The following CFAP299 variants were observed in gnomAD, a reference collection of about 807,000 sequenced individuals.
CFAP299 encodes cilia- and flagella-associated protein 299.
A neutral mutation model predicts 27.0 loss-of-function variants in CFAP299; 21 were observed. The ratio of observed to expected loss-of-function variants is 0.78; its 90% confidence interval spans 0.55 to 1.12. The LOEUF (loss-of-function observed/expected upper bound fraction) is 1.12, where lower values mean the gene tolerates loss of function less well. CFAP299 is among the 50% of genes most tolerant of loss of function. The pLI, the probability that CFAP299 is intolerant of heterozygous loss-of-function variation, is 0.00. For missense variants in CFAP299, 310 were observed against 276.6 expected (o/e 1.12, Z -0.86); for synonymous variants, 104 against 98.1 (o/e 1.06, Z -0.36).
upstream of CFAP299, chr4:80,335,618 A>T (rs1191314611): frequency 3.0e-6 from 2 of 658,914 alleles, no homozygotes; most frequent in Non-Finnish European, 2.8e-6. Context: ...GTGAGGCAGA[A>T]GACAGAAACT....
intron 3 of CFAP299, among the ~76,000 whole-genome samples, chr4:80,658,290 G>C (rs1215766954): frequency 1.3e-5 from 2 of 152,108 alleles, no homozygotes; most frequent in Non-Finnish European, 2.9e-5. Context: ...TGGTGAGAGA[G>C]GACATCCTTG....
intron 4 of CFAP299, among the ~76,000 whole-genome samples, chr4:80,894,382 G>A (rs1337575141): frequency 6.6e-6 from 1 of 151,904 alleles, no homozygotes; most frequent in Non-Finnish European, 1.5e-5. Flanking sequence ...TACAATTAAG[G>A]ATCCTAACCA....
chr4:80,689,439 A>G lies in CFAP299; in HGVS notation c.333+106256A>G, dbSNP rs941550407. 2.6e-4 allele frequency among the ~76,000 whole-genome samples: 39 copies of G among 152,332 alleles called. 1 individual carries two copies. The highest frequency in any genetic ancestry group is 8.9e-4 in the African/African-American group (37 of 41,582). On this transcript the variant is annotated intron_variant, in intron 3 of 5. Transcript: ENST00000358105. ...AACACAGAATTTCATATCCAGCCAA[A>G]CTAAGCTTCAAAAGTGAAGGAGAAA...
chr4:80,937,175 CTTG>C (rs1182049487), intron 4 of CFAP299, among the ~76,000 whole-genome samples: 11 of 151,488 alleles, frequency 7.3e-5, no homozygotes, highest in Non-Finnish European at 2.9e-5. Flanking sequence ...ATGAATTAAT[CTTG>C]TTATCATTAT....
chr4:80,887,307 A>T (rs1243136552), intron 4 of CFAP299, among the ~76,000 whole-genome samples: 1 of 152,186 alleles, frequency 6.6e-6, no homozygotes, highest in Admixed American at 6.5e-5. Flanking sequence ...AAGGTCAAGG[A>T]TGAAGAAAGA....
intron 2 of CFAP299, chr4:80,386,438 A>G: frequency 6.5e-7 from 1 of 1,543,884 alleles, no homozygotes; most frequent in South Asian, 1.2e-5. Flanking sequence ...CCAGCGGGTC[A>G]GGCAAGGGGG....
intron 2 of CFAP299, among the ~76,000 whole-genome samples, chr4:80,516,060 G>T (rs1262502464): frequency 7.5e-6 from 1 of 133,274 alleles, no homozygotes; most frequent in East Asian, 2.2e-4. Flanking sequence ...TACTCTTGTC[G>T]CCCAGGATGG....
chr4:80,648,830 G>A (rs886734134), intron 3 of CFAP299: 7 of 151,950 alleles, frequency 4.6e-5, no homozygotes, highest in Non-Finnish European at 7.4e-5. Flanking sequence ...TTAATATATC[G>A]GGGATCTATA....
chr4:80,806,020 GC>G (rs1409549707), intron 3 of CFAP299, among the ~76,000 whole-genome samples: 2 of 152,124 alleles, frequency 1.3e-5, no homozygotes, highest in East Asian at 3.9e-4. Context: ...TAATGACTTA[GC>G]TATAAGAAAG....
At chr4:80,521,022 T>C (rs991843620) in intron 2 of CFAP299, among the ~76,000 whole-genome samples, 1 of 152,068 alleles carries the variant, frequency 6.6e-6, no homozygotes, top group African/African-American at 2.4e-5. Context: ...ATTATGTAAG[T>C]AGAGAAAAGA....
chr4:80,757,580 A>G (rs1300282047), intron 3 of CFAP299, among the ~76,000 whole-genome samples: 1 of 152,208 alleles, frequency 6.6e-6, no homozygotes, highest in Non-Finnish European at 1.5e-5. Flanking sequence ...ATAGTTTCTT[A>G]CCAGAGCTAT....
chr4:80,854,777 T>C (rs1289670518), intron 3 of CFAP299, among the ~76,000 whole-genome samples: 1 of 144,474 alleles, frequency 6.9e-6, no homozygotes, highest in African/African-American at 2.6e-5. Flanking sequence ...GTCATCATAG[T>C]TTCTTTTTCT....
In CFAP299 at chr4:80,916,272, TATATATATATATATATATATATA is replaced by T. The variant is rs1176438506; in HGVS notation, c.477-28537_477-28515del. ...ACTGAAATATATATATATATATATA[TATATATATATATATATATATATA>T]TTTCAGGTACAGATCATCTGTTCCT... On this transcript the variant is annotated intron_variant, in intron 4 of 5. Transcript: ENST00000358105. Among the ~76,000 whole-genome samples, 204 of 103,848 alleles carry T rather than the reference TATATATATATATATATATATATA, an allele frequency of 2.0e-3. 3 individuals carry two copies. Among genetic ancestry groups the T allele is most frequent in the African/African-American group, 0.012 (199 of 16,822 alleles). 68.1% of individuals were successfully genotyped at this position (103,848 alleles called of 152,430 possible). A position where few individuals can be genotyped will look rare whatever the true frequency, so the allele number is the denominator to read the frequency against.
intron 4 of CFAP299, among the ~76,000 whole-genome samples, chr4:80,883,716 C>A (rs918895165): frequency 2.6e-5 from 4 of 151,762 alleles, no homozygotes; most frequent in African/African-American, 7.3e-5. Context: ...GATACAGAAG[C>A]GAATTAAGAG....
At chr4:80,399,986 A>G (rs1578402039) in intron 2 of CFAP299, among the ~76,000 whole-genome samples, 1 of 152,246 alleles carries the variant, frequency 6.6e-6, no homozygotes, top group Non-Finnish European at 1.5e-5. Flanking sequence ...AATTAACATT[A>G]TAGAAATAGT....
intron 2 of CFAP299, among the ~76,000 whole-genome samples, chr4:80,425,159 T>A (rs1727474057): frequency 6.6e-6 from 1 of 152,198 alleles, no homozygotes; most frequent in African/African-American, 2.4e-5. Flanking sequence ...TGGGACCTAA[T>A]GAGAGGTGAT....
chr4:80,504,505 A>ATATT (rs1483255216), intron 2 of CFAP299, among the ~76,000 whole-genome samples: 500 of 109,850 alleles, frequency 4.6e-3, no homozygotes, highest in Middle Eastern at 0.011. Flanking sequence ...ATATATATAT[A>ATATT]TTTTCCTTTG....
At chr4:80,757,225 CT>C (rs1191237085) in intron 3 of CFAP299, among the ~76,000 whole-genome samples, 1 of 151,588 alleles carries the variant, frequency 6.6e-6, no homozygotes, top group Non-Finnish European at 1.5e-5. Flanking sequence ...AATTAGATTT[CT>C]TTTTTTAAAA....
Position 80,663,133 on chromosome 4 carries a change from T to C in CFAP299, c.333+79950T>C, listed in dbSNP as rs1037252597. 3.3e-5 allele frequency among the ~76,000 whole-genome samples: 5 copies of C among 152,164 alleles called. No homozygotes were observed. The East Asian group carries it at 7.7e-4, about 23-fold the overall frequency. On this transcript the variant is annotated intron_variant, in intron 3 of 5. Coordinates refer to ENST00000358105, the MANE Select transcript of CFAP299 (RefSeq NM_152770.3). ...TACTTTGCCATTTTTAAAATTTTTTTATTATTATTTCTTAATTATAATTTA... is the reference window on the plus strand; with the variant it reads ...TACTTTGCCATTTTTAAAATTTTTTCATTATTATTTCTTAATTATAATTTA...
Sources: gnomAD v4.1 joint callset for allele counts (sites outside exome capture counted in the v4.1 genomes callset) on GRCh38, gnomAD v4.1.1 for gene constraint, MANE v1.5 for transcripts, NCBI Gene and HGNC (gene_info 2026-07-23, HGNC 2026-07-21) for gene names.